The following TNR variants were observed in gnomAD, a reference collection of about 807,000 sequenced individuals.
The protein encoded by TNR is tenascin R.
In TNR, 45 loss-of-function variants were observed where a neutral mutation model predicts 150.4. The ratio of observed to expected loss-of-function variants is 0.30; its 90% confidence interval spans 0.24 to 0.38. TNR has a LOEUF of 0.38. Ranked by LOEUF, TNR falls within the 10% of genes least tolerant of loss-of-function variation. The pLI, the probability that TNR is intolerant of heterozygous loss-of-function variation, is 1.00. For synonymous variants in TNR, 687 were observed against 678.4 expected (o/e 1.01, Z -0.20); for missense variants, 1,544 against 1,759.1 (o/e 0.88, Z 2.19).
intron 21 of TNR, 43 bp from the exon 22 acceptor site, chr1:175,324,562 G>A: frequency 6.3e-7 from 1 of 1,597,168 alleles, no homozygotes; most frequent in Non-Finnish European, 8.5e-7. Flanking sequence ...ATTTGTCACT[G>A]CTTTATCAGG....
intron 1 of TNR, among the ~76,000 whole-genome samples, chr1:175,692,275 T>C (rs1039051231): frequency 5.8e-5 from 5 of 86,940 alleles, no homozygotes; most frequent in African/African-American, 2.6e-4. Flanking sequence ...GGAAAAGACC[T>C]GGCTCTGCCC....
intron 1 of TNR, among the ~76,000 whole-genome samples, chr1:175,574,839 T>A (rs1388160626): frequency 6.6e-6 from 1 of 152,212 alleles, no homozygotes; most frequent in Non-Finnish European, 1.5e-5. Context: ...AGAAAGCACA[T>A]GAGCTCCGTT....
At chr1:175,364,984 C>A in intron 12 of TNR, 26 bp downstream of exon 12, 1 of 1,576,894 alleles carries the variant, frequency 6.3e-7, no homozygotes, top group Non-Finnish European at 8.6e-7. Flanking sequence ...CCTTTCATCA[C>A]CTGCTGCCAA....
At chr1:175,671,635 A>T (rs1306955501) in intron 1 of TNR, among the ~76,000 whole-genome samples, 1 of 152,256 alleles carries the variant, frequency 6.6e-6, no homozygotes, top group East Asian at 1.9e-4. Flanking sequence ...GTTCAGTATA[A>T]GTATGTTTCC....
chr1:175,481,018 T>C (rs1310322009), intron 2 of TNR, among the ~76,000 whole-genome samples: 3 of 152,226 alleles, frequency 2.0e-5, no homozygotes, highest in East Asian at 3.8e-4. Context: ...ATCTGTAACT[T>C]TGAACTGAAA....
At chr1:175,528,693 T>C (rs1412444708) in intron 1 of TNR, among the ~76,000 whole-genome samples, 1 of 152,210 alleles carries the variant, frequency 6.6e-6, no homozygotes, top group Non-Finnish European at 1.5e-5. Flanking sequence ...GCTTAGCTGA[T>C]CTGATTATGA....
At position 175,367,286 on chromosome 1, in the gene TNR, C is replaced by T. The variant is rs771010279; in HGVS notation, c.1975G>A (p.Gly659Ser). 9 of 1,614,014 alleles carry T rather than the reference C, an allele frequency of 5.6e-6. No homozygotes were observed. Among genetic ancestry groups the T allele is most frequent in the Admixed American group, 5.0e-5 (3 of 60,008 alleles). The change falls in exon 10 of 23, where the codon GGC becomes AGC. Residue 659 changes from glycine to serine, a missense_variant. Coordinates refer to ENST00000367674, the MANE Select transcript of TNR (RefSeq NM_003285.3). ...TRATLTDLVPGTEYGVGISAV... is the reference protein window; with the variant it reads ...TRATLTDLVPSTEYGVGISAV... ...GATATTCCAACTCCATACTCAGTGCCAGGTACCAGATCTATCAGTGGATGG... is the reference window on the plus strand; with the variant it reads ...GATATTCCAACTCCATACTCAGTGCTAGGTACCAGATCTATCAGTGGATGG...
intron 1 of TNR, among the ~76,000 whole-genome samples, chr1:175,623,057 G>A (rs1333952272): frequency 1.3e-5 from 2 of 152,200 alleles, no homozygotes; most frequent in Non-Finnish European, 2.9e-5. Flanking sequence ...TGAGGGTTAA[G>A]ATTTCAACGT....
intron 9 of TNR, among the ~76,000 whole-genome samples, chr1:175,369,266 CAT>C (rs964473771): frequency 2.6e-5 from 4 of 152,202 alleles, no homozygotes; most frequent in Non-Finnish European, 4.4e-5. Context: ...TTAAAACAGA[CAT>C]GTGTCCTCCC....
In TNR at chr1:175,330,141, G is replaced by A. The variant is rs767341407; in HGVS notation, c.3726C>T (p.Asp1242=). Residue 1242 remains aspartate, a synonymous_variant, in exon 21 of 23, where the codon GAC becomes GAT. Transcript: ENST00000367674. Reference sequence around the variant, plus strand: ...TTCTGCTGTCCTCGACAGAGAACCTGTCGTAGGAGGCGAAGGCGGCCTCTT... The same window carrying A: ...TTCTGCTGTCCTCGACAGAGAACCTATCGTAGGAGGCGAAGGCGGCCTCTT... ...DGQEAAFASY[D]RFSVEDSRNL... is the part of the protein sequence containing the mutation. 1 of 1,613,736 alleles carries A rather than the reference G, an allele frequency of 6.2e-7. No homozygotes were observed. The highest frequency in any genetic ancestry group is 8.5e-7 in the Non-Finnish European group (1 of 1,179,654).
At chr1:175,661,600 G>A (rs1665374741) in intron 1 of TNR, among the ~76,000 whole-genome samples, 1 of 152,082 alleles carries the variant, frequency 6.6e-6, no homozygotes, top group Non-Finnish European at 1.5e-5. Flanking sequence ...TGGGAGTAAA[G>A]CAAATGTCTT....
chr1:175,494,575 A>G (rs1658400908), intron 2 of TNR, among the ~76,000 whole-genome samples: 1 of 152,184 alleles, frequency 6.6e-6, no homozygotes, highest in South Asian at 2.1e-4. Context: ...GCCTGAGCAG[A>G]CCTGTAGAAC....
At chr1:175,718,478 AG>A (rs1375905887) in intron 1 of TNR, among the ~76,000 whole-genome samples, 2 of 152,222 alleles carry the variant, frequency 1.3e-5, no homozygotes, top group South Asian at 4.1e-4. Flanking sequence ...GAGGTGGCCA[AG>A]GTCACAGGTA....
At chr1:175,355,992 A>G (rs1017781243) in intron 16 of TNR, among the ~76,000 whole-genome samples, 1 of 151,994 alleles carries the variant, frequency 6.6e-6, no homozygotes, top group African/African-American at 2.4e-5. Flanking sequence ...TCTCCTATTC[A>G]TCACTCTACT....
Position 175,403,578 on chromosome 1 carries a change from T to G in TNR, c.538A>C (p.Asn180His), listed in dbSNP as rs61731112. The change falls in exon 4 of 23, where the codon AAC becomes CAC. Residue 180 changes from asparagine to histidine, a missense_variant. By Grantham distance (68) the Asn-to-His change is moderately conservative (BLOSUM62 1). This residue lies in a region of TNR where 1,254 missense variants were observed against 1,329.4 expected (regional missense o/e 0.94). Coordinates refer to ENST00000367674, the MANE Select transcript of TNR (RefSeq NM_003285.3). ...CAGCCACAGGACTCAAAGCTAAAGT[T>G]GCCGTGGCCACTGCAGTGAGGGATA... Reference protein sequence around the residue: ...DYIPHCSGHGNFSFESCGCIC... With the variant: ...DYIPHCSGHGHFSFESCGCIC... The G allele has an allele frequency of 5.3e-3, 8,491 of 1,614,044 alleles. 38 individuals carry two copies. The highest frequency in any genetic ancestry group is 0.01 in the South Asian group (943 of 91,066).
At chr1:175,417,370 A>G (rs984471827) in intron 2 of TNR, among the ~76,000 whole-genome samples, 18 of 152,128 alleles carry the variant, frequency 1.2e-4, no homozygotes, top group African/African-American at 3.4e-4. Flanking sequence ...TAGAATCAAC[A>G]AAGTTAACTG....
At chr1:175,690,678 A>T (rs575080109) in intron 1 of TNR, among the ~76,000 whole-genome samples, 1 of 152,206 alleles carries the variant, frequency 6.6e-6, no homozygotes, top group African/African-American at 2.4e-5. Context: ...TTTAAGTTTG[A>T]TTGTGATAAC....
intron 1 of TNR, among the ~76,000 whole-genome samples, chr1:175,606,751 C>T (rs761551625): frequency 3.9e-5 from 6 of 152,176 alleles, no homozygotes; most frequent in Admixed American, 1.3e-4. Context: ...GGATAGCCCT[C>T]GACCACTGGA....
rs115259778 is a variant in TNR at position 175,402,029 on chromosome 1, C to T, written c.976+1111G>A. 7.0e-3 allele frequency among the ~76,000 whole-genome samples: 1,067 copies of T among 152,168 alleles called. 14 individuals are homozygous for T. The highest frequency in any genetic ancestry group is 0.024 in the African/African-American group (1,003 of 41,510). On this transcript the variant is annotated intron_variant, in intron 4 of 22. Transcript: ENST00000367674. ...ATTTGCATAAAAAAGGGAATCAGGC[C>T]GGGCGCGGTGGCTCACGCCTGTAAT...
Sources: gnomAD v4.1 joint callset for allele counts (sites outside exome capture counted in the v4.1 genomes callset) on GRCh38, gnomAD v4.1.1 for gene constraint, gnomAD v4.1.1 regional missense constraint, MANE v1.5 for transcripts, NCBI Gene and HGNC (gene_info 2026-07-23, HGNC 2026-07-21) for gene names.